ITPK1: variants seen among roughly 807,000 people sequenced by gnomAD.
ITPK1 encodes the protein inositol-tetrakisphosphate 1-kinase, also known as inositol 1,3,4-trisphosphate 5/6-kinase.
Under a neutral mutation model 45.3 loss-of-function variants are expected in ITPK1, and 21 were observed. That is an observed-to-expected ratio of 0.46 (90% CI 0.33 to 0.67). ITPK1 has a LOEUF of 0.67. Ranked by LOEUF, ITPK1 falls within the 30% of genes least tolerant of loss-of-function variation. The pLI is 0.02. For missense variants in ITPK1, 474 were observed against 573.5 expected, an observed-to-expected ratio of 0.83 and a Z score of 1.77; for synonymous variants, 258 against 253.6, an observed-to-expected ratio of 1.02 and a Z score of -0.16.
intron 5 of ITPK1, among the ~76,000 whole-genome samples, chr14:92,966,843 G>A (rs768597137): frequency 2.6e-5 from 4 of 152,206 alleles, no homozygotes; most frequent in African/African-American, 9.7e-5. Flanking sequence ...TCAAGGGGCG[G>A]AAAGAATATT....
At chr14:92,968,937 A>T (rs1885511394) in intron 5 of ITPK1, among the ~76,000 whole-genome samples, 1 of 152,186 alleles carries the variant, frequency 6.6e-6, no homozygotes, top group African/African-American at 2.4e-5. Flanking sequence ...CCCACAGAGC[A>T]CATGCTGGGA....
chr14:93,045,936 G>A (rs1180996135), intron 3 of ITPK1, among the ~76,000 whole-genome samples: 3 of 152,062 alleles, frequency 2.0e-5, no homozygotes, highest in Non-Finnish European at 4.4e-5. Flanking sequence ...CGTTGCCTCC[G>A]ACTTCCTTTC....
chr14:93,090,891 C>A (rs1375214669), intron 2 of ITPK1, among the ~76,000 whole-genome samples: 1 of 152,184 alleles, frequency 6.6e-6, no homozygotes, highest in East Asian at 1.9e-4. Flanking sequence ...CACCAACCTG[C>A]GCCTCCAGTC....
chr14:93,076,733 C>T lies in ITPK1; in HGVS notation c.96-114G>A. 1 of 1,248,312 alleles carries T rather than the reference C, an allele frequency of 8.0e-7. No homozygotes were observed. The highest frequency in any genetic ancestry group is 1.2e-6 in the Non-Finnish European group (1 of 856,544). The allele number at this position is 1,248,312 out of a possible 1,614,324, so 77.3% of individuals were successfully genotyped here. A position where few individuals can be genotyped will look rare whatever the true frequency, so the allele number is the denominator to read the frequency against. On this transcript the variant is annotated intron_variant, in intron 2 of 10. Transcript: ENST00000267615. The surrounding 1 kb of genome is among the most constrained non-coding windows in gnomAD (Gnocchi z 4.3). ...ACCATGAGAGGGTTTCAGGAGGGAGCCGGCAGCTGCGCCTCTCCTGCTACT... is the reference window on the plus strand; with the variant it reads ...ACCATGAGAGGGTTTCAGGAGGGAGTCGGCAGCTGCGCCTCTCCTGCTACT...
intron 5 of ITPK1, among the ~76,000 whole-genome samples, chr14:92,964,172 T>C (rs370824516): frequency 2.0e-5 from 3 of 152,048 alleles, no homozygotes; most frequent in Non-Finnish European, 2.9e-5. Context: ...ACAGAAAGAT[T>C]TGGGGGGTTG....
intron 3 of ITPK1, among the ~76,000 whole-genome samples, chr14:93,017,858 C>A (rs538652148): frequency 3.3e-5 from 5 of 152,370 alleles, no homozygotes; most frequent in East Asian, 3.9e-4. Flanking sequence ...TCAAAGCTTG[C>A]GTGCATTTCT....
intron 10 of ITPK1, among the ~76,000 whole-genome samples, chr14:92,944,673 A>G (rs1887596155): frequency 6.6e-6 from 1 of 152,018 alleles, no homozygotes; most frequent in South Asian, 2.1e-4. Flanking sequence ...CTGCCACTCA[A>G]AACATGCTCC....
At chr14:93,057,822 A>C (rs945336290) in intron 3 of ITPK1, among the ~76,000 whole-genome samples, 4 of 152,224 alleles carry the variant, frequency 2.6e-5, no homozygotes, top group Non-Finnish European at 5.9e-5. Flanking sequence ...CCTCCTGGTC[A>C]TTCTCACCAT....
intron 3 of ITPK1, among the ~76,000 whole-genome samples, chr14:93,039,539 T>C (rs1889472133): frequency 6.6e-6 from 1 of 152,206 alleles, no homozygotes; most frequent in South Asian, 2.1e-4. Flanking sequence ...AGACTTTGTA[T>C]CTTTACCAGC....
At chr14:92,957,747 G>T (rs974702832) in intron 8 of ITPK1, among the ~76,000 whole-genome samples, 1 of 152,232 alleles carries the variant, frequency 6.6e-6, no homozygotes, top group Non-Finnish European at 1.5e-5. Flanking sequence ...GGTAGCAGCA[G>T]GCAACTCTGT....
rs185190103 is a variant in ITPK1 at position 93,102,954 on chromosome 14, G to T, written c.95+12115C>A. ...TCTCTACTAAAAATACAAAAAATTA[G>T]CCGGGCATGGTGGCAGGCGCCTGTA... On this transcript the variant is annotated intron_variant, in intron 2 of 10. Transcript: ENST00000267615. Among the ~76,000 whole-genome samples the T allele has an allele frequency of 3.7e-3, 556 of 151,988 alleles. 3 individuals carry two copies. The highest frequency in any genetic ancestry group is 0.017 in the Middle Eastern group (5 of 292).
chr14:93,077,846 C>T (rs547903888), intron 2 of ITPK1, among the ~76,000 whole-genome samples: 74 of 152,316 alleles, frequency 4.9e-4, no homozygotes, highest in African/African-American at 1.7e-3. Context: ...GGGACAAGCA[C>T]TGGTGTAGGG....
chr14:93,051,946 G>A (rs968333593), intron 3 of ITPK1, among the ~76,000 whole-genome samples: 2 of 152,262 alleles, frequency 1.3e-5, no homozygotes, highest in African/African-American at 4.8e-5. Context: ...CAACTCTGTT[G>A]TGAGAAATTC....
chr14:93,080,920 G>T (rs1012852983), intron 2 of ITPK1, among the ~76,000 whole-genome samples: 1 of 152,036 alleles, frequency 6.6e-6, no homozygotes, highest in African/African-American at 2.4e-5. Context: ...ATTTTTAGTA[G>T]AGACAAGGTT....
At chr14:93,048,040 G>A (rs1243073532) in intron 3 of ITPK1, among the ~76,000 whole-genome samples, 4 of 152,192 alleles carry the variant, frequency 2.6e-5, no homozygotes, top group Admixed American at 2.0e-4. Flanking sequence ...TCTATTTATT[G>A]ACATTTCCTT....
At position 93,014,743 on chromosome 14, in the gene ITPK1, C is replaced by A. The variant is rs1036961325; in HGVS notation, c.246+1933G>T. 7.5e-6 allele frequency among the ~76,000 whole-genome samples: 1 copy of A among 133,966 alleles called. No individual in the cohort carries two copies. Among genetic ancestry groups the A allele is most frequent in the Non-Finnish European group, 1.7e-5 (1 of 59,392 alleles). The allele number at this position is 133,966 out of a possible 152,430, so 87.9% of individuals were successfully genotyped here. ...GGACCACTTTCTAGTTGTCCTGCAG[C>A]TGCTTCTTCCTCCACAGGACGGGAA... is the stretch of plus-strand genomic sequence containing the variant. On this transcript the variant is annotated intron_variant, in intron 4 of 10. Coordinates refer to ENST00000267615, the MANE Select transcript of ITPK1 (RefSeq NM_014216.6). This position sits in a 1 kb window ranked among gnomAD's most constrained non-coding sequence, Gnocchi z 4.4.
rs1179019290 is a variant in ITPK1 at position 93,088,341 on chromosome 14, G to GTTTTTT, written c.96-11728_96-11723dup. On this transcript the variant is annotated intron_variant, in intron 2 of 10. Transcript: ENST00000267615. ...ATCTTTTCTTTTTTGGTTTTGTTTT[G>GTTTTTT]TTTTTTTTTTTTTTTTGAGACAGGG... Among the ~76,000 whole-genome samples the GTTTTTT allele has an allele frequency of 4.9e-3, 653 of 132,662 alleles. 25 individuals are homozygous for GTTTTTT. Among genetic ancestry groups the GTTTTTT allele is most frequent in the African/African-American group, 0.015 (540 of 35,426 alleles). The allele number at this position is 132,662 out of a possible 152,430, so 87.0% of individuals were successfully genotyped here.
intron 10 of ITPK1, among the ~76,000 whole-genome samples, chr14:92,943,750 G>A (rs1300216010): frequency 1.3e-5 from 2 of 152,256 alleles, no homozygotes; most frequent in Non-Finnish European, 1.5e-5. Context: ...AACCTGCAGG[G>A]CAGGGTGCCA....
intron 2 of ITPK1, among the ~76,000 whole-genome samples, chr14:93,080,571 C>T (rs1232322996): frequency 6.6e-6 from 1 of 152,096 alleles, no homozygotes; most frequent in Admixed American, 6.5e-5. Flanking sequence ...GTTCTAAGCC[C>T]GTGGAAACAT....
Sources: gnomAD v4.1 joint callset for allele counts (sites outside exome capture counted in the v4.1 genomes callset) on GRCh38, gnomAD v4.1.1 for gene constraint, Gnocchi (gnomAD v3.1) non-coding constraint, MANE v1.5 for transcripts, NCBI Gene and HGNC (gene_info 2026-07-23, HGNC 2026-07-21) for gene names.